Variants in CYP3A43 observed in about 807,000 individuals in gnomAD.
CYP3A43 encodes cytochrome P450 family 3 subfamily A member 43.
Under a neutral mutation model 58.0 loss-of-function variants are expected in CYP3A43, and 45 were observed. The observed-to-expected ratio is 0.78, with a 90% CI of 0.61 to 0.99. The LOEUF is 0.99. Ranked by LOEUF, CYP3A43 falls within the 50% of genes least tolerant of loss-of-function variation. CYP3A43 has a pLI of 0.00. For missense variants in CYP3A43, 593 were observed against 591.9 expected, an observed-to-expected ratio of 1.00 and a Z score of -0.02; for synonymous variants, 191 against 201.4, an observed-to-expected ratio of 0.95 and a Z score of 0.44.
At position 99,855,657 on chromosome 7, in the gene CYP3A43, C is replaced by G. The variant is rs766427166; in HGVS notation, c.737C>G (p.Thr246Ser). ...LNIGLFPKDV[T>S]HFLKNSIERM... ...ATCGGTTTGTTTCCAAAAGATGTTA[C>G]CCATTTTTTAAAAAATTCCATTGAA... The change falls in exon 8 of 13, where the codon ACC becomes AGC. Residue 246 changes from threonine (T) to serine (S), a missense_variant. By Grantham distance (58) the Thr-to-Ser change is moderately conservative (BLOSUM62 1). Transcript: ENST00000354829. The G allele has an allele frequency of 1.9e-6, 3 of 1,613,388 alleles. No homozygotes were observed. The highest frequency in any genetic ancestry group is 2.5e-6 in the Non-Finnish European group (3 of 1,179,826).
At chr7:99,838,970 AG>A in intron 2 of CYP3A43, 149 bp from the exon 3 acceptor site, 1 of 914,452 alleles carries the variant, frequency 1.1e-6, no homozygotes, top group Non-Finnish European at 1.6e-6. Flanking sequence ...GCAGAAAAAA[AG>A]GAAAAAAAAA....
chr7:99,836,742 C>T (rs144471029), intron 2 of CYP3A43, among the ~76,000 whole-genome samples, 196 bp downstream of exon 2: 196 of 152,248 alleles, frequency 1.3e-3, no homozygotes, highest in African/African-American at 4.4e-3. Flanking sequence ...TTGGGTTTGC[C>T]TCAGTTGCAC....
At chr7:99,863,796 C>A in intron 12 of CYP3A43, 97 bp downstream of exon 12, 1 of 1,030,954 alleles carries the variant, frequency 9.7e-7, no homozygotes, top group Non-Finnish European at 1.3e-6. Context: ...CAATAATTTG[C>A]TCTGTAGGAC....
chr7:99,846,676 A>T (rs1043684305), intron 4 of CYP3A43, among the ~76,000 whole-genome samples: 5 of 151,866 alleles, frequency 3.3e-5, no homozygotes, highest in African/African-American at 1.2e-4. Context: ...GAAAGCATTC[A>T]TTTTTTTCAC....
chr7:99,855,797 T>C, intron 8 of CYP3A43, 79 bp downstream of exon 8: 3 of 1,404,300 alleles, frequency 2.1e-6, no homozygotes, highest in Non-Finnish European at 2.9e-6. Flanking sequence ...ATTTGTGCAC[T>C]TATCTGTGTT....
Position 99,866,089 on chromosome 7 carries a change from A to G in CYP3A43, c.*88A>G, listed in dbSNP as rs1328118717. On this transcript the variant is annotated 3_prime_UTR_variant, in exon 13 of 13. Transcript: ENST00000354829. Reference sequence around the variant, plus strand: ...ATTGTTTTGTGAATAAAACTCAGAAATGAAGATGAGCTTAATTAACCTAGT... The same window carrying G: ...ATTGTTTTGTGAATAAAACTCAGAAGTGAAGATGAGCTTAATTAACCTAGT... The G allele has an allele frequency of 3.8e-6, 3 of 792,068 alleles. No individual in the cohort carries two copies. In the African/African-American group the frequency reaches 5.3e-5, roughly 14 times the overall value. The allele number at this position is 792,068 out of a possible 1,614,324, so 49.1% of individuals were successfully genotyped here.
At chr7:99,846,875 C>T (rs2151605889) in intron 4 of CYP3A43, among the ~76,000 whole-genome samples, 1 of 152,216 alleles carries the variant, frequency 6.6e-6, no homozygotes, top group Middle Eastern at 3.4e-3. Flanking sequence ...ACTAATAGGC[C>T]TGTCGCAAGT....
Position 99,856,842 on chromosome 7 carries a change from G to A in CYP3A43, c.808G>A (p.Asp270Asn), listed in dbSNP as rs775472541. The A allele has an allele frequency of 6.2e-7, 1 of 1,613,892 alleles. No individual in the cohort carries two copies. Among genetic ancestry groups the A allele is most frequent in the Non-Finnish European group, 8.5e-7 (1 of 1,179,950 alleles). ...RLKDKQKHRV[D>N]FFQQMIDSQN... Reference sequence around the variant, plus strand: ...CTCTTTTTGCTTCCAGCATCGAGTAGATTTCTTTCAACAGATGATCGACTC... The same window carrying A: ...CTCTTTTTGCTTCCAGCATCGAGTAAATTTCTTTCAACAGATGATCGACTC... The change falls in exon 9 of 13, where the codon GAT becomes AAT. Residue 270 changes from aspartate (D) to asparagine (N), a missense_variant. Asp to Asn is a conservative substitution (Grantham distance 23). Transcript: ENST00000354829.
intron 7 of CYP3A43, among the ~76,000 whole-genome samples, chr7:99,851,025 G>T (rs2151612136): frequency 6.6e-6 from 1 of 152,226 alleles, no homozygotes; most frequent in Non-Finnish European, 1.5e-5. Flanking sequence ...AAATTAGTCA[G>T]GCATGGTGGC....
intron 7 of CYP3A43, among the ~76,000 whole-genome samples, chr7:99,851,836 A>G (rs1362262210): frequency 1.3e-5 from 2 of 151,968 alleles, no homozygotes; most frequent in Non-Finnish European, 2.9e-5. Context: ...TTTTTCTTTT[A>G]TTGCTTATCC....
Position 99,834,862 on chromosome 7 carries a change from T to C in CYP3A43, c.72-1591T>C, listed in dbSNP as rs1180254523. On this transcript the variant is annotated intron_variant, in intron 1 of 12. Coordinates refer to ENST00000354829, the MANE Select transcript of CYP3A43 (RefSeq NM_057095.3). ...ACTGGTAGGGTTAAGCGAAGTGAAG[T>C]TATTTTGTGGCATTAATTCCTTTGC... Among the ~76,000 whole-genome samples, 6 of 152,274 alleles carry C rather than the reference T, an allele frequency of 3.9e-5. No homozygotes were observed. In the South Asian group the frequency reaches 8.3e-4, roughly 21 times the overall value.
intron 9 of CYP3A43, among the ~76,000 whole-genome samples, chr7:99,858,424 A>G (rs1818081192): frequency 6.6e-6 from 1 of 152,188 alleles, no homozygotes; most frequent in Non-Finnish European, 1.5e-5. Context: ...CTGATCAAAC[A>G]GACCAATGGC....
At chr7:99,832,513 G>A (rs893878590) in intron 1 of CYP3A43, among the ~76,000 whole-genome samples, 3 of 139,962 alleles carry the variant, frequency 2.1e-5, no homozygotes, top group Non-Finnish European at 4.6e-5. Context: ...ACACAGGAAG[G>A]GGAACATCAC....
intron 10 of CYP3A43, among the ~76,000 whole-genome samples, chr7:99,860,674 A>G (rs1471869686): frequency 6.6e-5 from 10 of 152,206 alleles, no homozygotes; most frequent in Admixed American, 6.5e-4. Context: ...TTCATAGTCC[A>G]GGCCTGAAGG....
chr7:99,833,431 C>T (rs796229261), intron 1 of CYP3A43, among the ~76,000 whole-genome samples: 2 of 152,128 alleles, frequency 1.3e-5, no homozygotes, highest in African/African-American at 4.8e-5. Flanking sequence ...AGGAAAAACA[C>T]GTTTTGTGAC....
chr7:99,850,778 T>G (rs113476020), intron 7 of CYP3A43, among the ~76,000 whole-genome samples: 8,251 of 152,320 alleles, frequency 0.054, 328 homozygotes, highest in African/African-American at 0.11. Context: ...ACTGGCTTCT[T>G]TCATTTAGCA....
At chr7:99,847,667 T>C (rs1305850161) in intron 5 of CYP3A43, 66 bp downstream of exon 5, 2 of 1,598,168 alleles carry the variant, frequency 1.3e-6, no homozygotes, top group East Asian at 4.5e-5. Context: ...GTAGTAAGTA[T>C]CATCATAGTT....
intron 3 of CYP3A43, chr7:99,839,379 A>G (rs896733993): frequency 2.0e-5 from 14 of 712,648 alleles, no homozygotes; most frequent in Non-Finnish European, 3.5e-5. Context: ...AACTCCATGC[A>G]TATTCAGTAT....
rs764042128 is a variant in CYP3A43, at chr7:99,848,152, GTGT to G, written c.433-10_433-8del. On this transcript the variant is annotated splice_polypyrimidine_tract_variant and intron_variant, in intron 5 of 12. Coordinates refer to ENST00000354829, the MANE Select transcript of CYP3A43 (RefSeq NM_057095.3). ...GAGTCTGCGTAGTTAACTATGGGTG[GTGT>G]TGTGTTTTAGATGGTCCCCATCATT... 6.2e-7 allele frequency: 1 copy of G among 1,613,734 alleles called. No individual in the cohort carries two copies. Among genetic ancestry groups the G allele is most frequent in the South Asian group, 1.1e-5 (1 of 91,062 alleles).
Sources: allele counts gnomAD v4.1 joint callset (sites outside exome capture counted in the v4.1 genomes callset), GRCh38; gene constraint gnomAD v4.1.1; transcripts MANE v1.5; gene names NCBI Gene and HGNC (gene_info 2026-07-23, HGNC 2026-07-21).